The following SETD3 variants were observed in gnomAD, a reference collection of about 807,000 sequenced individuals.
SETD3 encodes the protein actin-histidine N-methyltransferase.
Under a neutral mutation model 63.0 loss-of-function variants are expected in SETD3, and 19 were observed. The observed-to-expected ratio is 0.30, with a 90% CI of 0.21 to 0.44. The LOEUF (loss-of-function observed/expected upper bound fraction) is 0.44. SETD3 is among the 20% of genes least tolerant of loss of function. The pLI is 1.00. For missense variants in SETD3, 587 were observed against 728.5 expected (o/e 0.81, Z 2.24); for synonymous variants, 286 against 264.1 (o/e 1.08, Z -0.80).
upstream of SETD3, chr14:99,481,609 C>G (rs371384996): frequency 2.5e-6 from 1 of 394,896 alleles, no homozygotes; most frequent in Non-Finnish European, 4.5e-6. Context: ...CCTCCGCTAA[C>G]CTCCGGTACA....
upstream of SETD3, chr14:99,481,225 T>G (rs1896299679): frequency 5.1e-6 from 2 of 394,250 alleles, no homozygotes; most frequent in Non-Finnish European, 8.9e-6. Flanking sequence ...ATGGGCCCTG[T>G]GGCTGGCTCC....
chr14:99,472,381 T>C (rs1333895962), intron 1 of SETD3, among the ~76,000 whole-genome samples: 1 of 152,242 alleles, frequency 6.6e-6, no homozygotes, highest in Non-Finnish European at 1.5e-5. Flanking sequence ...AAAAGATTCA[T>C]GCCATGTAAG....
At chr14:99,426,348 G>C (rs1892881951) in intron 6 of SETD3, among the ~76,000 whole-genome samples, 1 of 152,216 alleles carries the variant, frequency 6.6e-6, no homozygotes, top group Admixed American at 6.5e-5. Flanking sequence ...TGAGTGAAGT[G>C]GAAAAGCAGG....
intron 6 of SETD3, among the ~76,000 whole-genome samples, chr14:99,420,106 T>A (rs972494569): frequency 1.3e-5 from 2 of 152,178 alleles, no homozygotes; most frequent in Admixed American, 6.5e-5. Flanking sequence ...AAATCCCTCT[T>A]CTTCCGGGCC....
chr14:99,465,535 A>G (rs1895322003), intron 2 of SETD3, among the ~76,000 whole-genome samples, 168 bp downstream of exon 2: 1 of 152,168 alleles, frequency 6.6e-6, no homozygotes. Context: ...CCATCCTCAC[A>G]GGTGAGGACT....
At chr14:99,480,109 C>G (rs1165605764) in intron 1 of SETD3, among the ~76,000 whole-genome samples, 1 of 152,244 alleles carries the variant, frequency 6.6e-6, no homozygotes, top group East Asian at 1.9e-4. Flanking sequence ...GAAAGACGAC[C>G]TATTTCCTAC....
intron 11 of SETD3, 98 bp from the exon 12 acceptor site, chr14:99,400,357 C>T (rs937374780): frequency 2.1e-5 from 27 of 1,296,242 alleles, no homozygotes; most frequent in Non-Finnish European, 2.8e-5. Context: ...CCAACAACGC[C>T]ATTTTCCCAC....
At chr14:99,465,410 T>G (rs1401330123) in intron 2 of SETD3, among the ~76,000 whole-genome samples, 1 of 152,148 alleles carries the variant, frequency 6.6e-6, no homozygotes, top group African/African-American at 2.4e-5. Flanking sequence ...GCAGTAGAGC[T>G]TCTTCTCGCC....
intron 6 of SETD3, among the ~76,000 whole-genome samples, chr14:99,435,228 C>CATTA (rs113618831): frequency 0.5 from 75,204 of 151,494 alleles, 19,178 homozygotes; most frequent in African/African-American, 0.6. Flanking sequence ...TGGAAGCTGT[C>CATTA]ATTGTCTTTA....
Position 99,398,930 on chromosome 14 carries a change from T to A in SETD3, c.1534A>T (p.Ser512Cys). The A allele has an allele frequency of 6.2e-7, 1 of 1,614,042 alleles. No individual in the cohort carries two copies. Among genetic ancestry groups the A allele is most frequent in the Non-Finnish European group, 8.5e-7 (1 of 1,179,926 alleles). ...YEESNLGLLESSVGDSRLPLV... is the reference protein window; with the variant it reads ...YEESNLGLLECSVGDSRLPLV... ...GGGAGCCTCGAGTCCCCCACGCTGC[T>A]CTCCAACAGCCCAAGGTTACTCTCT... The change falls in exon 13 of 13, where the codon AGC (serine) becomes TGC (cysteine). Residue 512 changes from serine (S) to cysteine (C), a missense_variant. Transcript: ENST00000331768.
upstream of SETD3, among the ~76,000 whole-genome samples, chr14:99,482,601 CTT>C (rs1361523376): frequency 6.6e-6 from 1 of 152,092 alleles, no homozygotes; most frequent in East Asian, 1.9e-4. Context: ...TTTTTTCCCT[CTT>C]TTATCTCATT....
rs536592434 is a variant in SETD3 at position 99,399,085 on chromosome 14, C to T, written c.1379G>A (p.Arg460His). Reference protein sequence around the residue: ...SVLKNHDLSVRAKMAIKLRLG... With the variant: ...SVLKNHDLSVHAKMAIKLRLG... ...GCGCAATTTGATGGCCATTTTTGCA[C>T]GAACAGAAAGATCGTGGTTTTTCAA... Residue 460 changes from arginine to histidine, a missense_variant, in exon 13 of 13, where the codon CGT (arginine) becomes CAT (histidine). By Grantham distance (29) the Arg-to-His change is conservative. Coordinates refer to ENST00000331768, the MANE Select transcript of SETD3 (RefSeq NM_032233.3). 1.9e-5 allele frequency: 30 copies of T among 1,613,972 alleles called. No individual in the cohort carries two copies. The highest frequency in any genetic ancestry group is 1.1e-4 in the South Asian group (10 of 91,062).
At chr14:99,424,721 A>T (rs1178099200) in intron 6 of SETD3, among the ~76,000 whole-genome samples, 4 of 151,998 alleles carry the variant, frequency 2.6e-5, no homozygotes, top group Admixed American at 6.6e-5. Context: ...CCAGGTGGAG[A>T]CAAAAGGAAA....
chr14:99,427,176 C>A (rs1470984625), intron 6 of SETD3, among the ~76,000 whole-genome samples: 1 of 152,182 alleles, frequency 6.6e-6, no homozygotes, highest in Non-Finnish European at 1.5e-5. Context: ...TCAAATTATT[C>A]ACAGAAACTT....
At chr14:99,424,702 A>AT (rs1184868077) in intron 6 of SETD3, among the ~76,000 whole-genome samples, 1 of 152,062 alleles carries the variant, frequency 6.6e-6, no homozygotes, top group Non-Finnish European at 1.5e-5. Context: ...AGAGGAGGAC[A>AT]TAAGAAACCC....
intron 6 of SETD3, among the ~76,000 whole-genome samples, chr14:99,439,813 A>G (rs914028754): frequency 9.3e-5 from 14 of 151,218 alleles, no homozygotes; most frequent in Admixed American, 5.9e-4. Flanking sequence ...CTTTTTTGAG[A>G]CAGGATCTGG....
At chr14:99,428,759 T>C (rs1359838915) in intron 6 of SETD3, among the ~76,000 whole-genome samples, 5 of 152,198 alleles carry the variant, frequency 3.3e-5, no homozygotes, top group African/African-American at 4.8e-5. Context: ...GGCAAGGAAC[T>C]GAGGGTGGCC....
chr14:99,420,154 C>A (rs1241322908), intron 6 of SETD3, among the ~76,000 whole-genome samples: 1 of 152,134 alleles, frequency 6.6e-6, no homozygotes, highest in Non-Finnish European at 1.5e-5. Context: ...GATCCTCCTG[C>A]CCTGTTCCTG....
chr14:99,425,811 G>GA (rs1043914899), intron 6 of SETD3, among the ~76,000 whole-genome samples: 2 of 151,968 alleles, frequency 1.3e-5, no homozygotes, highest in African/African-American at 2.4e-5. Context: ...ACTGCAAAAA[G>GA]AAAAAAATCT....
Sources: allele counts gnomAD v4.1 joint callset (sites outside exome capture counted in the v4.1 genomes callset), GRCh38; gene constraint gnomAD v4.1.1; transcripts MANE v1.5; gene names NCBI Gene and HGNC (gene_info 2026-07-23, HGNC 2026-07-21).